Variants in LPAR3 observed in about 807,000 individuals in gnomAD.
LPAR3 encodes lysophosphatidic acid receptor 3, also known as LPA receptor 3.
A neutral mutation model predicts 17.8 loss-of-function variants in LPAR3; 7 were observed. That is an observed-to-expected ratio of 0.39 (90% CI 0.22 to 0.74). The LOEUF (loss-of-function observed/expected upper bound fraction) is 0.74, where lower values mean the gene tolerates loss of function less well. Ranked by LOEUF, LPAR3 falls within the 30% of genes least tolerant of loss-of-function variation. The pLI is 0.40. For synonymous variants in LPAR3, 179 were observed against 179.9 expected (o/e 0.99, Z 0.04); for missense variants, 391 against 453.4 (o/e 0.86, Z 1.25).
At chr1:84,831,456 T>C (rs957448023) in intron 2 of LPAR3, among the ~76,000 whole-genome samples, 2 of 151,982 alleles carry the variant, frequency 1.3e-5, no homozygotes, top group Non-Finnish European at 2.9e-5. Context: ...ACTCCATCTC[T>C]AAAAAAATAA....
intron 2 of LPAR3, among the ~76,000 whole-genome samples, chr1:84,847,871 C>T (rs1238552518): frequency 1.3e-5 from 2 of 152,218 alleles, no homozygotes; most frequent in Non-Finnish European, 2.9e-5. Flanking sequence ...GATTTAAGCA[C>T]CTGATTGCTA....
intron 2 of LPAR3, among the ~76,000 whole-genome samples, chr1:84,825,231 G>C (rs1183376346): frequency 6.6e-6 from 1 of 152,228 alleles, no homozygotes; most frequent in African/African-American, 2.4e-5. Flanking sequence ...CAATGTGAGA[G>C]AATCTCGTGG....
At chr1:84,881,061 C>T (rs1227152783) in intron 1 of LPAR3, among the ~76,000 whole-genome samples, 1 of 152,192 alleles carries the variant, frequency 6.6e-6, no homozygotes. Flanking sequence ...TACTTGTCCA[C>T]TGAATAGTGG....
chr1:84,886,482 C>T lies in LPAR3; in HGVS notation c.-19+6534G>A, dbSNP rs532102918. On this transcript the variant is annotated intron_variant, in intron 1 of 2. Coordinates refer to ENST00000370611, the MANE Select transcript of LPAR3 (RefSeq NM_012152.3). ...TAGAGGCTGCAGTGAACTATGATCACGCCACTGCACTCCAGCCTGTAGTAC... is the reference window on the plus strand; with the variant it reads ...TAGAGGCTGCAGTGAACTATGATCATGCCACTGCACTCCAGCCTGTAGTAC... Among the ~76,000 whole-genome samples, 58 of 152,204 alleles carry T rather than the reference C, an allele frequency of 3.8e-4. 1 individual carries two copies. Among genetic ancestry groups the T allele is most frequent in the Admixed American group, 3.2e-3 (49 of 15,284 alleles).
At chr1:84,848,638 T>C (rs1659637165) in intron 2 of LPAR3, among the ~76,000 whole-genome samples, 1 of 152,332 alleles carries the variant, frequency 6.6e-6, no homozygotes, top group South Asian at 2.1e-4. Context: ...ACAATCTCTA[T>C]GTCCTTCTGA....
At chr1:84,892,214 A>AATATAAAT (rs1428703891) in intron 1 of LPAR3, among the ~76,000 whole-genome samples, 29 of 135,548 alleles carry the variant, frequency 2.1e-4, no homozygotes, top group Non-Finnish European at 4.2e-4. Flanking sequence ...CTGTGTCTCA[A>AATATAAAT]AAATAAATAA....
In LPAR3 at chr1:84,887,770, A is replaced by G. The variant is rs182130383; in HGVS notation, c.-19+5246T>C. ...CAGTCAGGCTGTGAAGAAATACCCA[A>G]TACAGCCAGGTTGGGAGTCATCCTA... On this transcript the variant is annotated intron_variant, in intron 1 of 2. Transcript: ENST00000370611. Among the ~76,000 whole-genome samples the G allele has an allele frequency of 1.4e-4, 21 of 152,342 alleles. No homozygotes were observed. In the East Asian group the frequency reaches 3.3e-3, roughly 24 times the overall value.
At position 84,866,366 on chromosome 1, in the gene LPAR3, G is replaced by T. The variant is rs572769463; in HGVS notation, c.-18-228C>A. Among the ~76,000 whole-genome samples, 5 of 152,230 alleles carry T rather than the reference G, an allele frequency of 3.3e-5. No individual in the cohort carries two copies. The South Asian group carries it at 1.0e-3, about 32-fold the overall frequency. On this transcript the variant is annotated intron_variant, in intron 1 of 2. Coordinates refer to ENST00000370611, the MANE Select transcript of LPAR3 (RefSeq NM_012152.3). The stretch of plus-strand genomic sequence containing the variant: ...TTGTTTCCCAGGCTAGGCCGCTCAG[G>T]TTAGGAGGGTGTATCTCTATTTTGT...
At chr1:84,892,137 T>A (rs1279378859) in intron 1 of LPAR3, among the ~76,000 whole-genome samples, 3 of 151,776 alleles carry the variant, frequency 2.0e-5, no homozygotes. Flanking sequence ...CGCTCGAACC[T>A]GGGAGGCGGA....
intron 2 of LPAR3, among the ~76,000 whole-genome samples, chr1:84,825,497 C>T (rs1301953911): frequency 6.6e-6 from 1 of 152,124 alleles, no homozygotes; most frequent in Non-Finnish European, 1.5e-5. Flanking sequence ...TCTGCAAGGC[C>T]ACCATGTTCT....
intron 1 of LPAR3, among the ~76,000 whole-genome samples, chr1:84,886,000 A>T (rs4907106): frequency 0.34 from 52,106 of 152,050 alleles, 11,361 homozygotes; most frequent in Non-Finnish European, 0.49. Context: ...GTGTGTACAC[A>T]TATACACATA....
At chr1:84,830,902 T>G (rs1659270760) in intron 2 of LPAR3, among the ~76,000 whole-genome samples, 8 of 152,146 alleles carry the variant, frequency 5.3e-5, no homozygotes, top group Admixed American at 5.2e-4. Context: ...ACTTTATGGA[T>G]TTACTCAATA....
chr1:84,837,431 G>T (rs1401673917), intron 2 of LPAR3, among the ~76,000 whole-genome samples: 1 of 152,206 alleles, frequency 6.6e-6, no homozygotes, highest in African/African-American at 2.4e-5. Context: ...CTTCCCTGCA[G>T]GTTCTGAGCC....
intron 2 of LPAR3, among the ~76,000 whole-genome samples, chr1:84,833,460 C>A (rs368561236): frequency 6.6e-6 from 1 of 152,054 alleles, no homozygotes; most frequent in Non-Finnish European, 1.5e-5. Flanking sequence ...AAGGACTGAG[C>A]GAGAGAATGG....
intron 2 of LPAR3, among the ~76,000 whole-genome samples, chr1:84,819,149 T>G (rs958504591): frequency 6.6e-6 from 1 of 152,228 alleles, no homozygotes; most frequent in Non-Finnish European, 1.5e-5. Context: ...AATTATACAA[T>G]TTCATATAGA....
chr1:84,860,713 C>T (rs1161973748), intron 2 of LPAR3, among the ~76,000 whole-genome samples: 3 of 148,832 alleles, frequency 2.0e-5, no homozygotes, highest in African/African-American at 4.9e-5. Context: ...GAAGAGGGTT[C>T]GTAAGAAACT....
intron 1 of LPAR3, 54 bp from the exon 2 acceptor site, chr1:84,866,192 G>T: frequency 7.5e-7 from 1 of 1,340,922 alleles, no homozygotes; most frequent in African/African-American, 1.5e-5. Context: ...CAGTCACTAA[G>T]CCATCAATTG....
At chr1:84,841,430 A>T (rs994838433) in intron 2 of LPAR3, among the ~76,000 whole-genome samples, 2 of 152,198 alleles carry the variant, frequency 1.3e-5, no homozygotes, top group Non-Finnish European at 2.9e-5. Context: ...GGAAAAGAAA[A>T]GTGAATGAAA....
intron 2 of LPAR3, among the ~76,000 whole-genome samples, chr1:84,854,582 C>A (rs2102760432): frequency 6.6e-6 from 1 of 152,280 alleles, no homozygotes; most frequent in Non-Finnish European, 1.5e-5. Context: ...TCCTGACAAC[C>A]ATAAACCACT....
Sources: allele counts gnomAD v4.1 joint callset (sites outside exome capture counted in the v4.1 genomes callset), GRCh38; gene constraint gnomAD v4.1.1; transcripts MANE v1.5; gene names NCBI Gene and HGNC (gene_info 2026-07-23, HGNC 2026-07-21).